The following TNFAIP8 variants were observed in gnomAD, a reference collection of about 807,000 sequenced individuals.
TNFAIP8 encodes the protein tumor necrosis factor alpha-induced protein 8.
In TNFAIP8, 7 loss-of-function variants were observed where a neutral mutation model predicts 13.3. The ratio of observed to expected loss-of-function variants is 0.52; its 90% CI spans 0.30 to 0.99. TNFAIP8 has a LOEUF of 0.99. TNFAIP8 is among the 50% of genes least tolerant of loss of function. The pLI, the probability that TNFAIP8 is intolerant of heterozygous loss-of-function variation, is 0.07. For synonymous variants in TNFAIP8, 94 were observed against 87.6 expected, an observed-to-expected ratio of 1.07 and a Z score of -0.41; for missense variants, 258 against 236.9, an observed-to-expected ratio of 1.09 and a Z score of -0.58.
chr5:119,286,776 G>A (rs1421602913), intron 1 of TNFAIP8, among the ~76,000 whole-genome samples: 2 of 152,178 alleles, frequency 1.3e-5, no homozygotes, highest in Non-Finnish European at 2.9e-5. Context: ...AAGGTGAACT[G>A]CATGCTGTGA....
chr5:119,379,552 G>T (rs1472792881), intron 1 of TNFAIP8, among the ~76,000 whole-genome samples: 3 of 152,152 alleles, frequency 2.0e-5, no homozygotes, highest in African/African-American at 7.2e-5. Context: ...TCTGTTCCCT[G>T]ATGTGTTTGA....
chr5:119,319,608 C>G (rs1284300861), intron 1 of TNFAIP8, among the ~76,000 whole-genome samples: 1 of 152,116 alleles, frequency 6.6e-6, no homozygotes, highest in African/African-American at 2.4e-5. Flanking sequence ...TAAATGAGTG[C>G]TTAAGGATTG....
At chr5:119,275,828 T>TC (rs770349321) in intron 1 of TNFAIP8, among the ~76,000 whole-genome samples, 3 of 152,074 alleles carry the variant, frequency 2.0e-5, no homozygotes, top group East Asian at 1.9e-4. Context: ...GCTTTTTTTT[T>TC]CCCCTCTAGA....
At position 119,391,304 on chromosome 5, in the gene TNFAIP8, T is replaced by G. The variant is rs1481169416; in HGVS notation, c.32-1512T>G. 7.2e-6 allele frequency: 5 copies of G among 694,650 alleles called. No homozygotes were observed. In the African/African-American group the frequency reaches 8.8e-5, roughly 12 times the overall value. The allele number at this position is 694,650 out of a possible 1,614,324, so 43.0% of individuals were successfully genotyped here. A position where few individuals can be genotyped will look rare whatever the true frequency, so the allele number is the denominator to read the frequency against. On this transcript the variant is annotated intron_variant, in intron 1 of 1. Transcript: ENST00000504771. ...TCATTGATGCCTTGACTCATTTGTA[T>G]GTATCTGTATTTTTAAACTTTTTAT...
intron 1 of TNFAIP8, among the ~76,000 whole-genome samples, chr5:119,292,483 G>T (rs1324880578): frequency 6.6e-6 from 1 of 150,728 alleles, no homozygotes; most frequent in Non-Finnish European, 1.5e-5. Context: ...GTAAAAGACA[G>T]TACAAAACCC....
At chr5:119,296,288 G>C (rs1749173055) in intron 1 of TNFAIP8, among the ~76,000 whole-genome samples, 1 of 151,838 alleles carries the variant, frequency 6.6e-6, no homozygotes, top group African/African-American at 2.4e-5. Flanking sequence ...CTTATTATTT[G>C]AGTTACGTCC....
At chr5:119,289,521 A>G (rs571264502) in intron 1 of TNFAIP8, among the ~76,000 whole-genome samples, 117 of 152,344 alleles carry the variant, frequency 7.7e-4, no homozygotes, top group African/African-American at 2.6e-3. Flanking sequence ...AAATCTTGTC[A>G]AATAAAAACT....
chr5:119,392,115 G>A (rs377562578), intron 1 of TNFAIP8, among the ~76,000 whole-genome samples: 23 of 152,216 alleles, frequency 1.5e-4, no homozygotes, highest in East Asian at 7.7e-4. Flanking sequence ...AAGTGACAAT[G>A]AGCTCTCCAA....
At chr5:119,305,442 A>G (rs1165447285) in intron 1 of TNFAIP8, among the ~76,000 whole-genome samples, 1 of 152,170 alleles carries the variant, frequency 6.6e-6, no homozygotes, top group African/African-American at 2.4e-5. Flanking sequence ...TTTAAAGGTC[A>G]TTTGGGCCTG....
intron 1 of TNFAIP8, among the ~76,000 whole-genome samples, chr5:119,373,760 C>A (rs114110347): frequency 0.024 from 3,612 of 152,216 alleles, 143 homozygotes; most frequent in African/African-American, 0.082. Context: ...AGTATTAAAT[C>A]ATCTTCAGTC....
intron 1 of TNFAIP8, among the ~76,000 whole-genome samples, chr5:119,324,274 CAAAAAAAAAAAA>C (rs56104829): frequency 7.7e-5 from 6 of 77,664 alleles, no homozygotes; most frequent in East Asian, 7.0e-4. Flanking sequence ...GACGCCATCT[CAAAAAAAAAAAA>C]AAAAAAAAAA....
At chr5:119,378,131 G>A (rs1752350775) in intron 1 of TNFAIP8, among the ~76,000 whole-genome samples, 1 of 152,190 alleles carries the variant, frequency 6.6e-6, no homozygotes, top group Non-Finnish European at 1.5e-5. Flanking sequence ...TAATCCTAAA[G>A]TACAATCCTG....
rs1227074721 is a variant in TNFAIP8, at chr5:119,392,233, A to G, written c.32-583A>G. ...TGTCTTGGGAAATTTGACTTTTTGC[A>G]ACCGGATTATAAAACAAGGCTTTCC... is the stretch of plus-strand genomic sequence containing the variant. On this transcript the variant is annotated intron_variant, in intron 1 of 1. Transcript: ENST00000504771. Among the ~76,000 whole-genome samples, 4 of 152,348 alleles carry G rather than the reference A, an allele frequency of 2.6e-5. No homozygotes were observed. In the East Asian group the frequency reaches 7.7e-4, roughly 29 times the overall value.
intron 1 of TNFAIP8, among the ~76,000 whole-genome samples, chr5:119,357,764 C>T (rs904387592): frequency 1.3e-5 from 2 of 151,914 alleles, no homozygotes; most frequent in African/African-American, 2.4e-5. Flanking sequence ...AATGATATGG[C>T]GCTCTGCTTT....
chr5:119,347,346 A>G (rs1011140586), intron 1 of TNFAIP8, among the ~76,000 whole-genome samples: 1 of 152,218 alleles, frequency 6.6e-6, no homozygotes, highest in Non-Finnish European at 1.5e-5. Flanking sequence ...CTGATTATAT[A>G]TCACTGAAAT....
chr5:119,399,544 T>C lies in TNFAIP8; in HGVS notation c.*6163T>C, dbSNP rs2112885616. 1 of 152,334 alleles carries C rather than the reference T, an allele frequency of 6.6e-6. No homozygotes were observed. The highest frequency in any genetic ancestry group is 2.1e-4 in the South Asian group (1 of 4,824). 9.4% of individuals were successfully genotyped at this position (152,334 alleles called of 1,614,324 possible). On this transcript the variant is annotated 3_prime_UTR_variant, in exon 2 of 2. Coordinates refer to ENST00000504771, the MANE Select transcript of TNFAIP8 (RefSeq NM_014350.4). ...ACTTCAGCAGCCTGAGAGAATTTTGTTCAATTCCAGTCTCCTTAAAAAAAA... is the reference window on the plus strand; with the variant it reads ...ACTTCAGCAGCCTGAGAGAATTTTGCTCAATTCCAGTCTCCTTAAAAAAAA...
At chr5:119,391,346 ACTGCTTT>A in intron 1 of TNFAIP8, 1 of 701,810 alleles carries the variant, frequency 1.4e-6, no homozygotes, top group Non-Finnish European at 2.6e-6. Flanking sequence ...TTACCAAATG[ACTGCTTT>A]CTGATACCCA....
At chr5:119,321,659 A>C (rs1324257869) in intron 1 of TNFAIP8, among the ~76,000 whole-genome samples, 4 of 152,148 alleles carry the variant, frequency 2.6e-5, no homozygotes, top group Non-Finnish European at 4.4e-5. Context: ...TTGCCCTAGC[A>C]AATACGCACA....
At chr5:119,348,880 C>CAAAAAAAAAAAAAAAAAAAAAA (rs60633145) in intron 1 of TNFAIP8, among the ~76,000 whole-genome samples, 1 of 90,952 alleles carries the variant, frequency 1.1e-5, no homozygotes, top group Non-Finnish European at 2.5e-5. Context: ...AACTCCATCT[C>CAAAAAAAAAAAAAAAAAAAAAA]AAAAAAAAAA....
Sources: gnomAD v4.1 joint callset for allele counts (sites outside exome capture counted in the v4.1 genomes callset) on GRCh38, gnomAD v4.1.1 for gene constraint, MANE v1.5 for transcripts, NCBI Gene and HGNC (gene_info 2026-07-23, HGNC 2026-07-21) for gene names.